The following PRAMEF20 variants were observed in gnomAD, a reference collection of about 807,000 sequenced individuals.
The protein encoded by PRAMEF20 is PRAME family member 20, also known as PRAME family member 20/21.
A neutral mutation model predicts 32.4 loss-of-function variants in PRAMEF20; 27 were observed. That is an observed-to-expected ratio of 0.83 (90% CI 0.61 to 1.15). PRAMEF20 has a LOEUF of 1.15. Among genes scored for constraint, PRAMEF20 ranks in the 50% most tolerant of loss-of-function variants. The pLI is 0.00. For synonymous variants in PRAMEF20, 256 were observed against 235.4 expected, an observed-to-expected ratio of 1.09 and a Z score of -0.80; for missense variants, 604 against 584.5, an observed-to-expected ratio of 1.03 and a Z score of -0.34.
At chr1:13,417,319 T>C (rs1160115639) in intron 1 of PRAMEF20, among the ~76,000 whole-genome samples, 4 of 152,080 alleles carry the variant, frequency 2.6e-5, no homozygotes, top group African/African-American at 4.8e-5. Context: ...GTGCATTTTA[T>C]AGAGCGTTGA....
In PRAMEF20 at chr1:13,421,294, T is replaced by C. The variant is rs946916726; in HGVS notation, c.*36T>C. The C allele has an allele frequency of 5.9e-4, 945 of 1,613,712 alleles. 5 individuals carry two copies. In the African/African-American group the frequency reaches 0.01, roughly 17 times the overall value. ...ATTTGGGTGGATATATCAAACTCTT[T>C]TTTCTGAACACTTGAAAACTAAAAC... On this transcript the variant is annotated 3_prime_UTR_variant, in exon 3 of 3. Coordinates refer to ENST00000602960, the Ensembl canonical transcript of PRAMEF20.
intron 1 of PRAMEF20, among the ~76,000 whole-genome samples, chr1:13,417,151 CACAGCGTGGAA>C (rs1267334856): frequency 6.6e-6 from 1 of 152,104 alleles, no homozygotes; most frequent in Admixed American, 6.6e-5. Context: ...ACGAAGCTTC[CACAGCGTGGAA>C]GGGGACCTGA....
intron 1 of PRAMEF20, among the ~76,000 whole-genome samples, chr1:13,417,271 A>C (rs1641186596): frequency 6.6e-6 from 1 of 151,784 alleles, no homozygotes; most frequent in Non-Finnish European, 1.5e-5. Flanking sequence ...TTTTTCAATC[A>C]TCCCCACGAT....
chr1:13,418,359 A>G, exon 2 of PRAMEF20: 1 of 1,613,878 alleles, frequency 6.2e-7, no homozygotes, highest in East Asian at 2.2e-5. Context: ...AGCAGAGGGA[A>G]GGTTTAGTAC....
chr1:13,412,961 C>T (rs1175651111), upstream of PRAMEF20, among the ~76,000 whole-genome samples: 1 of 152,098 alleles, frequency 6.6e-6, no homozygotes, highest in Non-Finnish European at 1.5e-5. Context: ...ATTATACCAC[C>T]CAGGTAATCA....
At chr1:13,415,162 C>T (rs943826668), upstream of PRAMEF20, among the ~76,000 whole-genome samples, 37 of 148,324 alleles carry the variant, frequency 2.5e-4, no homozygotes, top group African/African-American at 9.0e-4. Flanking sequence ...TCACTGTAAC[C>T]TCCGCCTCCC....
At chr1:13,413,891 C>T (rs1485600324), upstream of PRAMEF20, among the ~76,000 whole-genome samples, 3 of 152,112 alleles carry the variant, frequency 2.0e-5, no homozygotes, top group Non-Finnish European at 4.4e-5. Flanking sequence ...CAAGATGGCA[C>T]AGAGAATTAT....
At chr1:13,418,657 A>G (rs1369561458) in exon 2 of PRAMEF20, 3 of 1,613,934 alleles carry the variant, frequency 1.9e-6, no homozygotes, top group African/African-American at 2.7e-5. Flanking sequence ...GCTTTATATG[A>G]ACTCTGTTTC....
At chr1:13,420,995 A>G (rs1641236642) in exon 3 of PRAMEF20, 1 of 1,613,624 alleles carries the variant, frequency 6.2e-7, no homozygotes. Context: ...TGGAAATCCC[A>G]TCTCCACGGC....
upstream of PRAMEF20, among the ~76,000 whole-genome samples, chr1:13,413,367 G>A (rs1557475298): frequency 1.3e-5 from 2 of 151,750 alleles, no homozygotes; most frequent in Non-Finnish European, 2.9e-5. Flanking sequence ...TGTTGTTGTT[G>A]TTTTTGTTTT....
At chr1:13,416,231 C>A, upstream of PRAMEF20, 3 of 1,557,956 alleles carry the variant, frequency 1.9e-6, no homozygotes, top group East Asian at 2.2e-5. Flanking sequence ...AAACTGAGGG[C>A]TCTTTCACCA....
exon 2 of PRAMEF20, chr1:13,418,509 C>T (rs1641207777): frequency 6.2e-6 from 10 of 1,613,868 alleles, no homozygotes; most frequent in South Asian, 3.3e-5. Context: ...CAGAGTTTAC[C>T]CCATACCTCG....
At chr1:13,417,951 T>TGTGTGTGTGTGTGTGTGTGTGC (rs1557476949) in intron 1 of PRAMEF20, among the ~76,000 whole-genome samples, 171 bp from the exon 3 acceptor site, 11 of 147,532 alleles carry the variant, frequency 7.5e-5, no homozygotes, top group African/African-American at 2.8e-4. Flanking sequence ...TGTGTGTGTG[T>TGTGTGTGTGTGTGTGTGTGTGC]GTTTAGTAGA....
At chr1:13,414,602 G>A (rs1010052646), upstream of PRAMEF20, among the ~76,000 whole-genome samples, 115 of 152,026 alleles carry the variant, frequency 7.6e-4, 1 homozygote, top group Non-Finnish European at 3.1e-4. Context: ...GGGATGACAG[G>A]TGCATGCCAC....
At chr1:13,421,301 A>T (rs1341218211) in exon 3 of PRAMEF20, 1 of 1,612,088 alleles carries the variant, frequency 6.2e-7, no homozygotes, top group Non-Finnish European at 8.5e-7. Context: ...CTTTTTTCTG[A>T]ACACTTGAAA....
At chr1:13,416,458 T>A (rs774971492) in exon 1 of PRAMEF20, 5 of 1,613,946 alleles carry the variant, frequency 3.1e-6, no homozygotes, top group Non-Finnish European at 4.2e-6. Flanking sequence ...CCCACGGAAC[T>A]TTTTCCCCCA....
chr1:13,418,361 G>A (rs1569867926), exon 2 of PRAMEF20: 12 of 1,613,730 alleles, frequency 7.4e-6, no homozygotes, highest in South Asian at 3.3e-5. Context: ...CAGAGGGAAG[G>A]TTTAGTACAC....
chr1:13,415,855 G>A (rs1641164019), upstream of PRAMEF20, among the ~76,000 whole-genome samples: 1 of 151,680 alleles, frequency 6.6e-6, no homozygotes, highest in South Asian at 2.1e-4. Flanking sequence ...AAGAAAGGGA[G>A]AGAGAAAGAG....
In PRAMEF20 at chr1:13,420,054, C is replaced by T. The variant is rs1440799730; in HGVS notation, c.867-643C>T. ...CCCCAGCTGATGTTGCAGGATCCTG[C>T]CTGGGTTTGTCCTTTATGCCTGCAT... On this transcript the variant is annotated intron_variant, in intron 2 of 2. Coordinates refer to ENST00000602960, the Ensembl canonical transcript of PRAMEF20. 6.6e-5 allele frequency among the ~76,000 whole-genome samples: 10 copies of T among 152,198 alleles called. No individual in the cohort carries two copies. In the South Asian group the frequency reaches 1.9e-3, roughly 28 times the overall value.
Sources: allele counts gnomAD v4.1 joint callset (sites outside exome capture counted in the v4.1 genomes callset), GRCh38; gene constraint gnomAD v4.1.1; transcripts MANE v1.5; gene names NCBI Gene and HGNC (gene_info 2026-07-23, HGNC 2026-07-21).